ELMO1: variants seen among roughly 807,000 people sequenced by gnomAD.
ELMO1 encodes the protein engulfment and cell motility protein 1.
ELMO1 carries 26 observed loss-of-function variants against 98.9 expected under a neutral mutation model. The ratio of observed to expected loss-of-function variants is 0.26; its 90% confidence interval spans 0.19 to 0.36. The LOEUF is 0.36. Ranked by LOEUF, ELMO1 falls within the 10% of genes least tolerant of loss-of-function variation. ELMO1 has a pLI of 1.00. For synonymous variants in ELMO1, 346 were observed against 346.0 expected, an observed-to-expected ratio of 1.00 and a Z score of 0.00; for missense variants, 627 against 935.2, an observed-to-expected ratio of 0.67 and a Z score of 4.30.
At chr7:37,334,280 T>C (rs1777991028) in intron 2 of ELMO1, among the ~76,000 whole-genome samples, 1 of 152,090 alleles carries the variant, frequency 6.6e-6, no homozygotes, top group Non-Finnish European at 1.5e-5. Flanking sequence ...ACCCTGTCTC[T>C]ACTAAAAATA....
chr7:37,205,093 T>C (rs1240887912), intron 13 of ELMO1, among the ~76,000 whole-genome samples: 2 of 152,190 alleles, frequency 1.3e-5, no homozygotes. Flanking sequence ...TCACCTCTCA[T>C]TACCATTTAA....
At chr7:37,242,501 T>C (rs1402483765) in intron 7 of ELMO1, among the ~76,000 whole-genome samples, 2 of 152,220 alleles carry the variant, frequency 1.3e-5, no homozygotes, top group East Asian at 1.9e-4. Flanking sequence ...TTTCCTTACA[T>C]ACCTAGCACA....
intron 15 of ELMO1, among the ~76,000 whole-genome samples, chr7:37,015,516 G>A (rs896004673): frequency 1.1e-4 from 17 of 152,092 alleles, no homozygotes; most frequent in African/African-American, 3.1e-4. Context: ...CAGGAGAATC[G>A]CTTGAATCCA....
intron 16 of ELMO1, among the ~76,000 whole-genome samples, chr7:36,937,094 A>C (rs765785114): frequency 9.9e-5 from 15 of 152,088 alleles, no homozygotes; most frequent in Non-Finnish European, 1.8e-4. Flanking sequence ...ATATTCAACA[A>C]ATCTTTAGCA....
intron 15 of ELMO1, among the ~76,000 whole-genome samples, chr7:37,086,046 T>A (rs1783749783): frequency 6.6e-6 from 1 of 152,154 alleles, no homozygotes; most frequent in Non-Finnish European, 1.5e-5. Flanking sequence ...TAGGCGGCAG[T>A]GCGTCTCTCT....
chr7:37,247,895 A>ATGTG (rs58502667), intron 6 of ELMO1, among the ~76,000 whole-genome samples: 4,880 of 146,586 alleles, frequency 0.033, 96 homozygotes, highest in South Asian at 0.071. Flanking sequence ...TTGAAATAAA[A>ATGTG]TGTGTGTGTG....
chr7:36,906,251 T>G (rs1262900557), intron 16 of ELMO1, among the ~76,000 whole-genome samples: 1 of 152,224 alleles, frequency 6.6e-6, no homozygotes, highest in African/African-American at 2.4e-5. Context: ...GGCCACAAAG[T>G]TGAACTTCAG....
intron 15 of ELMO1, among the ~76,000 whole-genome samples, chr7:37,015,054 A>G (rs1160862948): frequency 6.6e-6 from 1 of 152,136 alleles, no homozygotes; most frequent in Non-Finnish European, 1.5e-5. Flanking sequence ...CAGACTTCTT[A>G]ACAGTTTAAA....
chr7:37,323,047 C>T (rs541036666), intron 2 of ELMO1, among the ~76,000 whole-genome samples: 6 of 152,112 alleles, frequency 3.9e-5, no homozygotes, highest in Non-Finnish European at 8.8e-5. Flanking sequence ...CCCATAAGCA[C>T]GGAGGCCATG....
At chr7:37,008,896 T>C (rs1793343069) in intron 16 of ELMO1, among the ~76,000 whole-genome samples, 1 of 152,300 alleles carries the variant, frequency 6.6e-6, no homozygotes, top group East Asian at 1.9e-4. Context: ...AAAATACTCA[T>C]TCATAGCTTC....
rs1262591721 is a variant in ELMO1 at position 37,213,264 on chromosome 7, C to A, written c.954+71G>T. ...TCTGAAACTCCCTAGTTTCAGGGTA[C>A]CTCAAGAAAAGACTTTTAATGACAC... is the stretch of plus-strand genomic sequence containing the variant. On this transcript the variant is annotated intron_variant, in intron 12 of 21. Transcript: ENST00000310758. The A allele has an allele frequency of 3.9e-6, 6 of 1,556,208 alleles. No homozygotes were observed. In the African/African-American group the frequency reaches 6.8e-5, roughly 18 times the overall value.
intron 7 of ELMO1, among the ~76,000 whole-genome samples, chr7:37,241,551 T>C (rs1399960532): frequency 6.6e-6 from 1 of 152,186 alleles, no homozygotes; most frequent in Admixed American, 6.5e-5. Flanking sequence ...GTTTTCTGTT[T>C]GTCTTAACTA....
At chr7:36,925,914 C>G (rs1015093924) in intron 16 of ELMO1, among the ~76,000 whole-genome samples, 3 of 152,092 alleles carry the variant, frequency 2.0e-5, no homozygotes, top group South Asian at 2.1e-4. Flanking sequence ...AGCACCACCC[C>G]CTTGGCCTCT....
chr7:37,014,003 G>T (rs1793741482), intron 15 of ELMO1, among the ~76,000 whole-genome samples: 1 of 152,076 alleles, frequency 6.6e-6, no homozygotes, highest in Non-Finnish European at 1.5e-5. Context: ...ACATTTCCAG[G>T]CACAGATGGC....
chr7:37,189,066 T>C (rs1791418653), intron 13 of ELMO1, among the ~76,000 whole-genome samples: 1 of 152,236 alleles, frequency 6.6e-6, no homozygotes, highest in East Asian at 1.9e-4. Context: ...TGTGGCACTG[T>C]ATATAATAAT....
intron 13 of ELMO1, among the ~76,000 whole-genome samples, chr7:37,149,388 T>C (rs1176502638): frequency 3.9e-5 from 6 of 152,324 alleles, no homozygotes; most frequent in African/African-American, 1.4e-4. Flanking sequence ...CAAGTACTGC[T>C]CTAAGCCAGG....
chr7:36,956,664 T>C (rs915011928), intron 16 of ELMO1, among the ~76,000 whole-genome samples: 16 of 152,244 alleles, frequency 1.1e-4, no homozygotes, highest in Non-Finnish European at 1.9e-4. Context: ...TGACAGCTTA[T>C]AGTGACAAAG....
intron 1 of ELMO1, among the ~76,000 whole-genome samples, chr7:37,396,935 T>A (rs868499775): frequency 3.3e-5 from 5 of 152,204 alleles, no homozygotes; most frequent in African/African-American, 1.2e-4. Context: ...ATTGGTAGCA[T>A]CAAGTGCTTG....
chr7:37,244,694 G>A (rs1046591165), intron 6 of ELMO1, among the ~76,000 whole-genome samples: 9 of 152,152 alleles, frequency 5.9e-5, no homozygotes, highest in African/African-American at 9.7e-5. Context: ...TCAATGGAGC[G>A]GGGTGGGGTA....
Sources: allele counts gnomAD v4.1 joint callset (sites outside exome capture counted in the v4.1 genomes callset), GRCh38; gene constraint gnomAD v4.1.1; transcripts MANE v1.5; gene names NCBI Gene and HGNC (gene_info 2026-07-23, HGNC 2026-07-21).